Variants in ATP8A2 observed in about 807,000 individuals in gnomAD.
The protein encoded by ATP8A2 is ATPase phospholipid transporting 8A2.
A neutral mutation model predicts 165.6 loss-of-function variants in ATP8A2; 100 were observed. That is an observed-to-expected ratio of 0.60 (90% CI 0.51 to 0.71). ATP8A2 has a LOEUF of 0.71. Ranked by LOEUF, ATP8A2 falls within the 30% of genes least tolerant of loss-of-function variation. ATP8A2 has a pLI of 0.00. For missense variants in ATP8A2, 1,227 were observed against 1,479.5 expected (o/e 0.83, Z 2.80); for synonymous variants, 543 against 548.8 (o/e 0.99, Z 0.15).
chr13:25,827,259 G>A (rs575381362), intron 27 of ATP8A2, among the ~76,000 whole-genome samples: 14 of 151,988 alleles, frequency 9.2e-5, no homozygotes, highest in African/African-American at 1.9e-4. Context: ...TTACAGGTGC[G>A]TGCCACCACA....
At chr13:25,430,191 T>C (rs1262556223) in intron 1 of ATP8A2, among the ~76,000 whole-genome samples, 1 of 151,498 alleles carries the variant, frequency 6.6e-6, no homozygotes, top group African/African-American at 2.4e-5. Context: ...ATGAGAGAGG[T>C]CCAGGCCCCA....
At chr13:25,885,080 A>C (rs1276315397) in intron 33 of ATP8A2, among the ~76,000 whole-genome samples, 1 of 139,446 alleles carries the variant, frequency 7.2e-6, no homozygotes, top group African/African-American at 2.7e-5. Context: ...CTCCAGCCTG[A>C]GAGTCAGTCT....
chr13:25,922,659 C>T (rs1295369356), intron 33 of ATP8A2, among the ~76,000 whole-genome samples: 2 of 152,288 alleles, frequency 1.3e-5, no homozygotes, highest in South Asian at 4.2e-4. Context: ...GGGTCAGTGA[C>T]GTTCTCGCAT....
At chr13:25,588,765 C>T (rs1315678913) in intron 23 of ATP8A2, among the ~76,000 whole-genome samples, 18 of 152,186 alleles carry the variant, frequency 1.2e-4, no homozygotes, top group Admixed American at 1.1e-3. Flanking sequence ...AAGCACAAGT[C>T]GTCGCTAACC....
intron 1 of ATP8A2, among the ~76,000 whole-genome samples, chr13:25,375,155 C>G (rs76642359): frequency 1.3e-5 from 2 of 152,318 alleles, no homozygotes; most frequent in African/African-American, 4.8e-5. Flanking sequence ...ATAGTGCTTA[C>G]AGTCTGCTCA....
At chr13:25,380,331 CTTTGT>C (rs1233852555) in intron 1 of ATP8A2, among the ~76,000 whole-genome samples, 1 of 152,108 alleles carries the variant, frequency 6.6e-6, no homozygotes, top group Non-Finnish European at 1.5e-5. Flanking sequence ...GTAGGCAATA[CTTTGT>C]AGAGTCAGAT....
intron 25 of ATP8A2, among the ~76,000 whole-genome samples, chr13:25,730,962 C>T (rs948145072): frequency 7.9e-5 from 12 of 151,616 alleles, no homozygotes; most frequent in Non-Finnish European, 1.0e-4. Flanking sequence ...TGGTCCCAGC[C>T]GCACGAGAGA....
intron 24 of ATP8A2, among the ~76,000 whole-genome samples, chr13:25,603,966 A>G (rs979309578): frequency 6.6e-6 from 1 of 151,934 alleles, no homozygotes; most frequent in Admixed American, 6.6e-5. Context: ...AGTGTTTTCA[A>G]TTCTGTGAGG....
chr13:25,752,831 A>G (rs1390156949), intron 25 of ATP8A2, among the ~76,000 whole-genome samples: 1 of 152,200 alleles, frequency 6.6e-6, no homozygotes, highest in Non-Finnish European at 1.5e-5. Flanking sequence ...TTAGTTCAGC[A>G]TCTCTATCCA....
intron 25 of ATP8A2, among the ~76,000 whole-genome samples, chr13:25,720,414 G>A (rs1368026190): frequency 1.3e-5 from 2 of 151,792 alleles, no homozygotes; most frequent in South Asian, 2.1e-4. Context: ...CGCCTGCCTC[G>A]GCCTCCCAAA....
At chr13:25,473,406 C>T (rs558150434) in intron 2 of ATP8A2, among the ~76,000 whole-genome samples, 3 of 152,244 alleles carry the variant, frequency 2.0e-5, no homozygotes, top group Admixed American at 1.3e-4. Context: ...TCTTCATCCT[C>T]TGGAAATGAA....
At chr13:25,857,144 C>T (rs973102104) in intron 30 of ATP8A2, among the ~76,000 whole-genome samples, 3 of 152,180 alleles carry the variant, frequency 2.0e-5, no homozygotes, top group African/African-American at 7.2e-5. Flanking sequence ...CTCCCAGTGC[C>T]TGCAGCCCCA....
chr13:25,800,370 A>G (rs1345423333), intron 27 of ATP8A2, among the ~76,000 whole-genome samples: 1 of 152,236 alleles, frequency 6.6e-6, no homozygotes, highest in African/African-American at 2.4e-5. Flanking sequence ...ATTATAAAAC[A>G]ACAAATTGGA....
intron 2 of ATP8A2, among the ~76,000 whole-genome samples, chr13:25,499,752 G>A (rs1034646196): frequency 2.0e-5 from 3 of 152,082 alleles, no homozygotes; most frequent in Admixed American, 6.6e-5. Context: ...AGCTGGTTCA[G>A]TTAGGAAAAC....
chr13:25,687,740 T>C (rs2042632537), intron 24 of ATP8A2, among the ~76,000 whole-genome samples: 1 of 151,984 alleles, frequency 6.6e-6, no homozygotes, highest in South Asian at 2.1e-4. Context: ...CACCGAGCAC[T>C]GTTTATTCTT....
At chr13:25,567,575 G>A (rs1373121600) in intron 16 of ATP8A2, among the ~76,000 whole-genome samples, 2 of 152,246 alleles carry the variant, frequency 1.3e-5, no homozygotes, top group Admixed American at 6.5e-5. Flanking sequence ...GACTTCAAGG[G>A]CATTTTAATC....
At chr13:25,722,396 C>T (rs1043891319) in intron 25 of ATP8A2, among the ~76,000 whole-genome samples, 3 of 152,354 alleles carry the variant, frequency 2.0e-5, no homozygotes, top group South Asian at 2.1e-4. Context: ...GGAAGTTCCC[C>T]ATTCCCTATA....
chr13:25,431,505 G>GA (rs1380833795), intron 1 of ATP8A2, among the ~76,000 whole-genome samples: 1 of 151,984 alleles, frequency 6.6e-6, no homozygotes, highest in Non-Finnish European at 1.5e-5. Context: ...TCGGCGGCGG[G>GA]GGGGGAATCT....
chr13:25,802,846 G>A (rs1340771967), intron 27 of ATP8A2, among the ~76,000 whole-genome samples: 1 of 152,026 alleles, frequency 6.6e-6, no homozygotes, highest in Non-Finnish European at 1.5e-5. Flanking sequence ...CAAGTTACTA[G>A]AACCGCAGAA....
Sources: allele counts gnomAD v4.1 joint callset (sites outside exome capture counted in the v4.1 genomes callset), GRCh38; gene constraint gnomAD v4.1.1; transcripts MANE v1.5; gene names NCBI Gene and HGNC (gene_info 2026-07-23, HGNC 2026-07-21).